FGF14: variants seen among roughly 807,000 people sequenced by gnomAD.
The protein encoded by FGF14 is fibroblast growth factor homologous factor 4.
Under a neutral mutation model 25.5 loss-of-function variants are expected in FGF14, and 5 were observed. That is an observed-to-expected ratio of 0.20 (90% confidence interval 0.10 to 0.41). The LOEUF (loss-of-function observed/expected upper bound fraction) is 0.41. Among genes scored for constraint, FGF14 ranks in the 10% least tolerant of loss-of-function variants. The pLI, the probability that FGF14 is intolerant of heterozygous loss-of-function variation, is 1.00. For missense variants in FGF14, 222 were observed against 320.1 expected (o/e 0.69, Z 2.34); for synonymous variants, 138 against 118.3 (o/e 1.17, Z -1.08).
chr13:102,034,021 CTG>C (rs1273550931), intron 1 of FGF14, among the ~76,000 whole-genome samples: 2 of 152,066 alleles, frequency 1.3e-5, no homozygotes, highest in African/African-American at 4.8e-5. Context: ...AATGCAAGCT[CTG>C]TGTTTGCCAT....
rs776794756 is a variant in FGF14 at position 101,726,742 on chromosome 13, G to A, written c.477C>T (p.Ser159=). 3.0e-5 allele frequency: 48 copies of A among 1,612,876 alleles called. No individual in the cohort carries two copies. Among genetic ancestry groups the A allele is most frequent in the Non-Finnish European group, 3.9e-5 (46 of 1,179,222 alleles). Residue 159 remains serine, a synonymous_variant, in exon 4 of 5, where the codon TCC becomes TCT. Transcript: ENST00000376143. The part of the protein sequence containing the change: ...VFENYYVIYS[S]MLYRQQESGR... ...CAGATTCCTGTTGTCTGTACAACATGGATGAGTAGATTACATAATAATTTT... is the reference window on the plus strand; with the variant it reads ...CAGATTCCTGTTGTCTGTACAACATAGATGAGTAGATTACATAATAATTTT...
intron 1 of FGF14, chr13:102,373,748 A>G (rs1404094702): frequency 1.3e-5 from 2 of 152,154 alleles, no homozygotes; most frequent in African/African-American, 4.8e-5. Context: ...ACACAAGTCA[A>G]ACTTTGGTAG....
intron 1 of FGF14, among the ~76,000 whole-genome samples, chr13:101,927,168 G>C (rs1212987209): frequency 2.0e-5 from 3 of 152,132 alleles, no homozygotes; most frequent in Non-Finnish European, 4.4e-5. Context: ...TCAGGGATGA[G>C]GGTACCCAAT....
rs869232661 is a variant in FGF14, at chr13:101,820,778, CCACACACA to C, written c.408+47939_408+47946del. ...CTACAGTACACACACACACCACACA[CCACACACA>C]CACACACACACACACACACAACACA... On this transcript the variant is annotated intron_variant, in intron 3 of 4. Transcript: ENST00000376143. Among the ~76,000 whole-genome samples, 17 of 28,532 alleles carry C rather than the reference CCACACACA, an allele frequency of 6.0e-4. 1 individual carries two copies. The highest frequency in any genetic ancestry group is 3.4e-3 in the South Asian group (2 of 594). The allele number at this position is 28,532 out of a possible 152,430, so 18.7% of individuals were successfully genotyped here. A position where few individuals can be genotyped will look rare whatever the true frequency, so the allele number is the denominator to read the frequency against.
chr13:102,201,732 C>G (rs2049661692), intron 1 of FGF14, among the ~76,000 whole-genome samples: 1 of 152,106 alleles, frequency 6.6e-6, no homozygotes, highest in African/African-American at 2.4e-5. Flanking sequence ...CTGTTGTGAT[C>G]CTGAAGCTGA....
chr13:101,869,064 G>A (rs2044892943), intron 2 of FGF14, among the ~76,000 whole-genome samples: 2 of 152,168 alleles, frequency 1.3e-5, no homozygotes, highest in African/African-American at 4.8e-5. Context: ...ATTCTGAAGG[G>A]CTGATGCGAC....
intron 1 of FGF14, among the ~76,000 whole-genome samples, chr13:102,091,635 A>G (rs2044170200): frequency 6.6e-6 from 1 of 152,100 alleles, no homozygotes; most frequent in Admixed American, 6.5e-5. Context: ...GAGCTCAGAG[A>G]TACTAGCACC....
intron 1 of FGF14, among the ~76,000 whole-genome samples, chr13:102,291,936 T>C (rs551246018): frequency 6.6e-6 from 1 of 152,106 alleles, no homozygotes; most frequent in African/African-American, 2.4e-5. Context: ...AGTATAAAAC[T>C]TGGAAGCATT....
At chr13:102,369,532 A>T (rs191827565) in intron 1 of FGF14, among the ~76,000 whole-genome samples, 1 of 152,226 alleles carries the variant, frequency 6.6e-6, no homozygotes, top group African/African-American at 2.4e-5. Context: ...CTGGCTGCAG[A>T]CATTATCCAA....
intron 1 of FGF14, among the ~76,000 whole-genome samples, chr13:101,950,608 CTGTT>C (rs2036096331): frequency 6.6e-6 from 1 of 152,200 alleles, no homozygotes; most frequent in Non-Finnish European, 1.5e-5. Context: ...TCAAAGATAT[CTGTT>C]TGTGTAGTCA....
At chr13:101,873,455 T>C (rs2045223726) in intron 2 of FGF14, among the ~76,000 whole-genome samples, 1 of 152,132 alleles carries the variant, frequency 6.6e-6, no homozygotes, top group African/African-American at 2.4e-5. Context: ...CTGATGAATC[T>C]TTCAGAGTGT....
intron 1 of FGF14, among the ~76,000 whole-genome samples, chr13:102,013,083 G>C (rs1251630346): frequency 6.6e-6 from 1 of 151,984 alleles, no homozygotes; most frequent in East Asian, 1.9e-4. Flanking sequence ...TGAGCCCAGG[G>C]GGTGAAGGAT....
In FGF14 at chr13:101,719,491, T is replaced by C. The variant is rs557224080; in HGVS notation, c.*3340A>G. 2 of 152,242 alleles carry C rather than the reference T, an allele frequency of 1.3e-5. No individual in the cohort carries two copies. Among genetic ancestry groups the C allele is most frequent in the South Asian group, 4.1e-4 (2 of 4,830 alleles). The allele number at this position is 152,242 out of a possible 1,614,324, so 9.4% of individuals were successfully genotyped here. Reference sequence around the variant, plus strand: ...AATGATGTTCAGTTCCATTTTGCTCTTTACATAGGGTGGAGAATTGTCATG... The same window carrying C: ...AATGATGTTCAGTTCCATTTTGCTCCTTACATAGGGTGGAGAATTGTCATG... On this transcript the variant is annotated 3_prime_UTR_variant, in exon 5 of 5. Transcript: ENST00000376143.
intron 1 of FGF14, among the ~76,000 whole-genome samples, chr13:102,141,948 A>C (rs965077077): frequency 1.3e-5 from 2 of 152,170 alleles, no homozygotes; most frequent in Non-Finnish European, 2.9e-5. Context: ...ATCAAAACAT[A>C]CTCATACTTC....
At chr13:102,260,807 C>G (rs768471391) in intron 1 of FGF14, among the ~76,000 whole-genome samples, 2 of 152,226 alleles carry the variant, frequency 1.3e-5, no homozygotes, top group Non-Finnish European at 2.9e-5. Flanking sequence ...TGTGAGACAT[C>G]CTGTTTCCGT....
chr13:102,126,246 A>G (rs2045943140), intron 1 of FGF14, among the ~76,000 whole-genome samples: 1 of 152,136 alleles, frequency 6.6e-6, no homozygotes, highest in African/African-American at 2.4e-5. Flanking sequence ...TTTGCTACTG[A>G]TCATCTCTAA....
At chr13:102,151,448 T>C (rs965788954) in intron 1 of FGF14, among the ~76,000 whole-genome samples, 1 of 152,160 alleles carries the variant, frequency 6.6e-6, no homozygotes, top group Non-Finnish European at 1.5e-5. Flanking sequence ...GTACTTAACA[T>C]CTATACTAAT....
intron 1 of FGF14, among the ~76,000 whole-genome samples, chr13:102,362,984 A>T (rs1293700062): frequency 2.0e-5 from 3 of 152,186 alleles, no homozygotes; most frequent in Non-Finnish European, 4.4e-5. Flanking sequence ...TTTACTTTCT[A>T]TAGGAAAAAA....
At chr13:101,911,213 C>T (rs1329390582) in intron 1 of FGF14, among the ~76,000 whole-genome samples, 1 of 151,896 alleles carries the variant, frequency 6.6e-6, no homozygotes, top group African/African-American at 2.4e-5. Context: ...GAATTACTAA[C>T]AAAAATCACA....
Sources: allele counts gnomAD v4.1 joint callset (sites outside exome capture counted in the v4.1 genomes callset), GRCh38; gene constraint gnomAD v4.1.1; transcripts MANE v1.5; gene names NCBI Gene and HGNC (gene_info 2026-07-23, HGNC 2026-07-21).